SRGAP2: variants seen among roughly 807,000 people sequenced by gnomAD.
SRGAP2 encodes the protein SLIT-ROBO Rho GTPase-activating protein 2.
Under a neutral mutation model 57.2 loss-of-function variants are expected in SRGAP2, and 15 were observed. That is an observed-to-expected ratio of 0.26 (90% CI 0.18 to 0.40). The LOEUF is 0.40. Ranked by LOEUF, SRGAP2 falls within the 10% of genes least tolerant of loss-of-function variation. The probability of loss-of-function intolerance (pLI) is 1.00; values close to 1 mark genes in which losing one functional copy is unlikely to be tolerated. For missense variants in SRGAP2, 520 were observed against 669.6 expected (o/e 0.78, Z 2.47); for synonymous variants, 249 against 248.0 (o/e 1.00, Z -0.04).
At chr1:206,298,320 A>G (rs1671698109) in intron 2 of SRGAP2, among the ~76,000 whole-genome samples, 5 of 151,902 alleles carry the variant, frequency 3.3e-5, no homozygotes, top group African/African-American at 1.2e-4. Context: ...AGCTTCCAAG[A>G]TTTGCTTTAG....
chr1:206,389,451 A>T (rs1553349593), intron 5 of SRGAP2, among the ~76,000 whole-genome samples: 1 of 152,206 alleles, frequency 6.6e-6, no homozygotes, highest in East Asian at 1.9e-4. Flanking sequence ...TGCTGGGATT[A>T]CAGGCATGAG....
chr1:206,214,053 C>T, intron 2 of SRGAP2, among the ~76,000 whole-genome samples: 1 of 152,246 alleles, frequency 6.6e-6, no homozygotes, highest in African/African-American at 2.4e-5. Context: ...GAGATCTACT[C>T]AGAATGTTCT....
At position 206,453,236 on chromosome 1, in the gene SRGAP2, A is replaced by G. The variant is rs1553376734; in HGVS notation, c.2216A>G (p.Tyr739Cys). ...EPIEAIAKFDYVGRTARELSF... is the reference protein window; with the variant it reads ...EPIEAIAKFDCVGRTARELSF... ...ATCGAGGCCATTGCCAAGTTTGACT[A>G]CGTGGGCCGGACAGCCCGAGAGCTA... The change falls in exon 20 of 23, where the codon TAC becomes TGC. Residue 739 changes from tyrosine (Y) to cysteine (C), a missense_variant. By Grantham distance (194) the Tyr-to-Cys change is radical. Transcript: ENST00000573034. The G allele has an allele frequency of 1.6e-6, 1 of 634,362 alleles. No homozygotes were observed. The highest frequency in any genetic ancestry group is 3.0e-6 in the Non-Finnish European group (1 of 337,788). 39.3% of individuals were successfully genotyped at this position (634,362 alleles called of 1,614,324 possible). A position where few individuals can be genotyped will look rare whatever the true frequency, so the allele number is the denominator to read the frequency against.
chr1:206,427,016 G>A (rs1660855009), intron 13 of SRGAP2, among the ~76,000 whole-genome samples: 1 of 151,730 alleles, frequency 6.6e-6, no homozygotes, highest in Admixed American at 6.6e-5. Flanking sequence ...ATGCTTTTGA[G>A]GTCTTACTCA....
intron 2 of SRGAP2, among the ~76,000 whole-genome samples, chr1:206,260,848 A>G (rs1421991366): frequency 1.3e-5 from 2 of 152,238 alleles, no homozygotes; most frequent in African/African-American, 4.8e-5. Flanking sequence ...ACTTAAAATG[A>G]GATTATTATT....
At chr1:206,366,523 G>A (rs1654030988) in intron 4 of SRGAP2, among the ~76,000 whole-genome samples, 1 of 151,846 alleles carries the variant, frequency 6.6e-6, no homozygotes, top group South Asian at 2.1e-4. Flanking sequence ...ACGATCATGG[G>A]GAGAGGACAG....
At chr1:206,296,598 T>C (rs1286810278) in intron 2 of SRGAP2, among the ~76,000 whole-genome samples, 1 of 152,046 alleles carries the variant, frequency 6.6e-6, no homozygotes, top group African/African-American at 2.4e-5. Flanking sequence ...CCCAGCTAAC[T>C]TAAAAAAAAA....
chr1:206,413,394 G>T (rs1350570413), intron 10 of SRGAP2, among the ~76,000 whole-genome samples: 1 of 152,182 alleles, frequency 6.6e-6, no homozygotes, highest in Non-Finnish European at 1.5e-5. Context: ...ATATTACCCC[G>T]GGAAGAATGA....
At chr1:206,333,063 C>T (rs1674490275) in intron 3 of SRGAP2, among the ~76,000 whole-genome samples, 1 of 145,510 alleles carries the variant, frequency 6.9e-6, no homozygotes, top group African/African-American at 2.6e-5. Flanking sequence ...TTGGAATACC[C>T]TGCCGTGTGA....
At chr1:206,398,274 C>T (rs1657811596) in intron 7 of SRGAP2, among the ~76,000 whole-genome samples, 1 of 152,152 alleles carries the variant, frequency 6.6e-6, no homozygotes, top group Non-Finnish European at 1.5e-5. Context: ...CCTAACCTTG[C>T]CAGATATTGC....
At chr1:206,341,427 A>G (rs1425966460) in intron 3 of SRGAP2, among the ~76,000 whole-genome samples, 9 of 152,052 alleles carry the variant, frequency 5.9e-5, no homozygotes, top group Non-Finnish European at 8.8e-5. Context: ...GACCTTGGGC[A>G]AAGTGTTTAA....
At chr1:206,366,161 G>A (rs566055614) in intron 4 of SRGAP2, among the ~76,000 whole-genome samples, 61 of 152,332 alleles carry the variant, frequency 4.0e-4, no homozygotes, top group Non-Finnish European at 7.3e-4. Context: ...ATACCACAGA[G>A]CTAGTCCACT....
intron 4 of SRGAP2, among the ~76,000 whole-genome samples, chr1:206,347,188 G>A (rs1319905630): frequency 1.3e-5 from 2 of 149,860 alleles, no homozygotes. Flanking sequence ...GAAATTTGAG[G>A]CTGCAGTGAT....
rs1662613321 is a variant in SRGAP2 at position 206,444,848 on chromosome 1, C to T, written c.1875-1227C>T. On this transcript the variant is annotated intron_variant, in intron 17 of 22. Coordinates refer to ENST00000573034, the MANE Select transcript of SRGAP2 (RefSeq NM_015326.5). ...GGCCTCTCCTGCATTTGATTCCAGG[C>T]TCTAGAGAACAGTGATTCTCAACTC... Among the ~76,000 whole-genome samples the T allele has an allele frequency of 2.0e-5, 3 of 152,316 alleles. No homozygotes were observed. In the South Asian group the frequency reaches 6.2e-4, roughly 32 times the overall value.
chr1:206,372,976 T>TCTTTC (rs1558359199), intron 4 of SRGAP2, among the ~76,000 whole-genome samples: 2 of 49,852 alleles, frequency 4.0e-5, no homozygotes, highest in African/African-American at 9.7e-5. Flanking sequence ...TTTCTTTCTT[T>TCTTTC]CTTTCTTTCT....
At chr1:206,439,095 T>C (rs1213207340) in intron 16 of SRGAP2, among the ~76,000 whole-genome samples, 1 of 152,198 alleles carries the variant, frequency 6.6e-6, no homozygotes, top group African/African-American at 2.4e-5. Flanking sequence ...GAACTGGGGT[T>C]GCCAAGACAG....
intron 22 of SRGAP2, among the ~76,000 whole-genome samples, chr1:206,459,231 A>G (rs1664072494): frequency 6.6e-6 from 1 of 152,202 alleles, no homozygotes; most frequent in African/African-American, 2.4e-5. Flanking sequence ...AGCCGGTATT[A>G]AGAGTATTTT....
Position 206,454,032 on chromosome 1 carries a change from C to G in SRGAP2, c.2360+652C>G. 1 of 682,024 alleles carries G rather than the reference C, an allele frequency of 1.5e-6. No homozygotes were observed. Among genetic ancestry groups the G allele is most frequent in the East Asian group, 2.7e-5 (1 of 37,070 alleles). The allele number at this position is 682,024 out of a possible 1,614,324, so 42.2% of individuals were successfully genotyped here. On this transcript the variant is annotated intron_variant, in intron 20 of 22. Coordinates refer to ENST00000573034, the MANE Select transcript of SRGAP2 (RefSeq NM_015326.5). This position sits in a 1 kb window ranked among gnomAD's most constrained non-coding sequence, Gnocchi z 4.3. ...CACTTTGAAGCAGTTGTCCCGTGGG[C>G]CCACCCAAGCCTGCCCCCTGTCCGT...
At chr1:206,215,092 G>C (rs1666567942) in intron 2 of SRGAP2, among the ~76,000 whole-genome samples, 2 of 143,902 alleles carry the variant, frequency 1.4e-5, no homozygotes, top group Non-Finnish European at 3.0e-5. Flanking sequence ...TTGGAGTCTT[G>C]TCAGCATCAC....
Sources: allele counts gnomAD v4.1 joint callset (sites outside exome capture counted in the v4.1 genomes callset), GRCh38; gene constraint gnomAD v4.1.1; non-coding constraint Gnocchi (gnomAD v3.1); transcripts MANE v1.5; gene names NCBI Gene and HGNC (gene_info 2026-07-23, HGNC 2026-07-21).